Variants in SLC4A4 observed in about 807,000 individuals in gnomAD.
The protein encoded by SLC4A4 is electrogenic sodium bicarbonate cotransporter 1.
In SLC4A4, 27 loss-of-function variants were observed where a neutral mutation model predicts 111.5. The observed-to-expected ratio is 0.24, with a 90% CI of 0.18 to 0.33. SLC4A4 has a LOEUF of 0.33. Among genes scored for constraint, SLC4A4 ranks in the 10% least tolerant of loss-of-function variants. The probability of loss-of-function intolerance (pLI) is 1.00; values close to 1 mark genes in which losing one functional copy is unlikely to be tolerated. For synonymous variants in SLC4A4, 443 were observed against 463.4 expected (o/e 0.96, Z 0.57); for missense variants, 909 against 1,315.5 (o/e 0.69, Z 4.78).
At chr4:71,498,201 T>C (rs1364079833) in intron 16 of SLC4A4, among the ~76,000 whole-genome samples, 1 of 152,140 alleles carries the variant, frequency 6.6e-6, no homozygotes, top group Non-Finnish European at 1.5e-5. Flanking sequence ...TTCCTTCCCG[T>C]AATGATGAAT....
At position 71,070,940 on chromosome 4, in the gene SLC4A4, C is replaced by T. The variant is rs757925740; in HGVS notation, c.-65+8152C>T. On this transcript the variant is annotated intron_variant, in intron 1 of 26. Coordinates refer to the SLC4A4 transcript ENST00000649996. ...GTTGCATCCATTTCTCAGTAAGTTT[C>T]AGAAATTCAAGAGCTGGAAAAGGTC... is the stretch of plus-strand genomic sequence containing the variant. Among the ~76,000 whole-genome samples, 6 of 147,806 alleles carry T rather than the reference C, an allele frequency of 4.1e-5. No individual in the cohort carries two copies. In the South Asian group the frequency reaches 1.2e-3, roughly 31 times the overall value.
At chr4:71,233,528 C>A (rs956596452) in intron 1 of SLC4A4, among the ~76,000 whole-genome samples, 5 of 152,056 alleles carry the variant, frequency 3.3e-5, no homozygotes, top group African/African-American at 9.7e-5. Flanking sequence ...GGTCTTAGGT[C>A]CACTCCTTGA....
At chr4:71,311,890 T>TGAGAGAGAGAGAGAGAGAGAGAGAGAGA (rs761331086) in intron 3 of SLC4A4, among the ~76,000 whole-genome samples, 1 of 76,542 alleles carries the variant, frequency 1.3e-5, no homozygotes, top group Non-Finnish European at 2.6e-5. Flanking sequence ...TGCAAGGCTG[T>TGAGAGAGAGAGAGAGAGAGAGAGAGAGA]GAGAGAGAGA....
intron 13 of SLC4A4, among the ~76,000 whole-genome samples, chr4:71,468,579 A>G (rs1371870893): frequency 1.3e-5 from 2 of 151,986 alleles, no homozygotes; most frequent in Non-Finnish European, 2.9e-5. Flanking sequence ...TCACTTAGTA[A>G]TATGTGGCAA....
intron 2 of SLC4A4, among the ~76,000 whole-genome samples, chr4:71,134,780 G>A (rs1427010286): frequency 2.0e-5 from 3 of 152,300 alleles, no homozygotes; most frequent in South Asian, 2.1e-4. Flanking sequence ...TAGTCCACAG[G>A]CTGAGTCTGT....
At chr4:71,521,561 G>A (rs1333475243) in intron 16 of SLC4A4, among the ~76,000 whole-genome samples, 5 of 152,106 alleles carry the variant, frequency 3.3e-5, no homozygotes, top group African/African-American at 4.8e-5. Context: ...CATATTTGGT[G>A]TATGAGTCAA....
intron 2 of SLC4A4, among the ~76,000 whole-genome samples, chr4:71,169,828 C>G (rs528717988): frequency 1.3e-5 from 2 of 152,250 alleles, no homozygotes; most frequent in South Asian, 2.1e-4. Context: ...CATGTGCCAC[C>G]CTTGTTTATA....
intron 1 of SLC4A4, among the ~76,000 whole-genome samples, chr4:71,073,042 C>G (rs958671091): frequency 2.0e-5 from 3 of 152,100 alleles, no homozygotes; most frequent in Admixed American, 6.6e-5. Context: ...TCTGGGATTA[C>G]AGGTGTGAGC....
In SLC4A4 at chr4:71,332,553, T is replaced by G. The variant is rs564696530; in HGVS notation, c.254-6817T>G. 4.0e-5 allele frequency among the ~76,000 whole-genome samples: 6 copies of G among 151,860 alleles called. No homozygotes were observed. The South Asian group carries it at 1.2e-3, about 32-fold the overall frequency. On this transcript the variant is annotated intron_variant, in intron 3 of 25. Transcript: ENST00000264485. Reference sequence around the variant, plus strand: ...TCCGCCTTCCGGGTTCACGCCATTCTCCTGCCTCAGCCTCCCGAGTAGCTG... The same window carrying G: ...TCCGCCTTCCGGGTTCACGCCATTCGCCTGCCTCAGCCTCCCGAGTAGCTG...
At chr4:71,363,676 C>G (rs1436053976) in intron 6 of SLC4A4, among the ~76,000 whole-genome samples, 4 of 152,206 alleles carry the variant, frequency 2.6e-5, no homozygotes, top group Non-Finnish European at 5.9e-5. Context: ...GAATCCTCTT[C>G]CTATGTGCCT....
chr4:71,260,864 T>C (rs1320943586), intron 3 of SLC4A4, among the ~76,000 whole-genome samples: 1 of 152,224 alleles, frequency 6.6e-6, no homozygotes, highest in East Asian at 1.9e-4. Flanking sequence ...AAGTGAGCAC[T>C]GCATGTAGTC....
At chr4:71,417,596 A>G (rs1459749748) in intron 7 of SLC4A4, among the ~76,000 whole-genome samples, 1 of 152,212 alleles carries the variant, frequency 6.6e-6, no homozygotes, top group Non-Finnish European at 1.5e-5. Context: ...TTTTCTTTAA[A>G]TCTTTTTTAA....
At chr4:71,497,807 C>A in intron 16 of SLC4A4, 115 bp downstream of exon 16, 1 of 865,008 alleles carries the variant, frequency 1.2e-6, no homozygotes, top group South Asian at 1.5e-5. Context: ...TAATTTTGTG[C>A]GTTTTAAACA....
chr4:71,286,983 C>T (rs1723967706), intron 3 of SLC4A4, among the ~76,000 whole-genome samples: 1 of 151,872 alleles, frequency 6.6e-6, no homozygotes, highest in Admixed American at 6.6e-5. Context: ...GAGGTCATGC[C>T]TTTAGTCAAT....
chr4:71,064,441 T>C (rs1741463454), intron 1 of SLC4A4, among the ~76,000 whole-genome samples: 2 of 152,202 alleles, frequency 1.3e-5, no homozygotes, highest in African/African-American at 4.8e-5. Flanking sequence ...AAGGGGAATA[T>C]AATAGTACTA....
At chr4:71,522,159 T>G (rs1033964253) in intron 16 of SLC4A4, among the ~76,000 whole-genome samples, 1 of 152,234 alleles carries the variant, frequency 6.6e-6, no homozygotes, top group African/African-American at 2.4e-5. Context: ...CCATCCTTTT[T>G]AAAGGGGTGT....
intron 3 of SLC4A4, among the ~76,000 whole-genome samples, chr4:71,331,016 C>G (rs1727938331): frequency 6.6e-6 from 1 of 152,116 alleles, no homozygotes; most frequent in Non-Finnish European, 1.5e-5. Context: ...AAATGCAAAT[C>G]AAAACCACAA....
intron 7 of SLC4A4, among the ~76,000 whole-genome samples, chr4:71,438,305 A>C (rs1010485536): frequency 2.6e-5 from 4 of 152,352 alleles, no homozygotes; most frequent in African/African-American, 9.6e-5. Context: ...AAAGACAAAG[A>C]GATGAGAATT....
chr4:71,094,141 T>C (rs1183598315), intron 2 of SLC4A4, among the ~76,000 whole-genome samples: 1 of 152,212 alleles, frequency 6.6e-6, no homozygotes, highest in Non-Finnish European at 1.5e-5. Flanking sequence ...GAAGAAAATA[T>C]GAGGATATGG....
Sources: gnomAD v4.1 joint callset for allele counts (sites outside exome capture counted in the v4.1 genomes callset) on GRCh38, gnomAD v4.1.1 for gene constraint, MANE v1.5 for transcripts, NCBI Gene and HGNC (gene_info 2026-07-23, HGNC 2026-07-21) for gene names.